The following PTPRN2 variants were observed in gnomAD, a reference collection of about 807,000 sequenced individuals.
The protein encoded by PTPRN2 is protein tyrosine phosphatase receptor type N2.
PTPRN2 carries 74 observed loss-of-function variants against 118.8 expected under a neutral mutation model. That is an observed-to-expected ratio of 0.62 (90% CI 0.52 to 0.76). The LOEUF (loss-of-function observed/expected upper bound fraction) is 0.76, where lower values mean the gene tolerates loss of function less well. Ranked by LOEUF, PTPRN2 falls within the 30% of genes least tolerant of loss-of-function variation. The probability of loss-of-function intolerance (pLI) is 0.00; values close to 1 mark genes in which losing one functional copy is unlikely to be tolerated. For synonymous variants in PTPRN2, 641 were observed against 608.0 expected, an observed-to-expected ratio of 1.05 and a Z score of -0.80; for missense variants, 1,481 against 1,394.4, an observed-to-expected ratio of 1.06 and a Z score of -0.99.
At chr7:158,066,050 C>T (rs1404931371) in intron 11 of PTPRN2, among the ~76,000 whole-genome samples, 2 of 152,226 alleles carry the variant, frequency 1.3e-5, no homozygotes, top group Non-Finnish European at 2.9e-5. Context: ...ATGTGTCCCA[C>T]GTCCCTCTGA....
At chr7:157,829,777 T>C (rs1807430659) in intron 12 of PTPRN2, among the ~76,000 whole-genome samples, 1 of 152,200 alleles carries the variant, frequency 6.6e-6, no homozygotes, top group Non-Finnish European at 1.5e-5. Flanking sequence ...GGAAAAGCCC[T>C]GGCCCGACTC....
intron 2 of PTPRN2, among the ~76,000 whole-genome samples, chr7:158,437,670 T>G (rs1352951155): frequency 6.6e-6 from 1 of 152,216 alleles, no homozygotes; most frequent in East Asian, 1.9e-4. Flanking sequence ...CTGGGATGTG[T>G]GCGATGGCCC....
At chr7:157,750,774 T>C (rs1229600222) in intron 12 of PTPRN2, among the ~76,000 whole-genome samples, 1 of 152,172 alleles carries the variant, frequency 6.6e-6, no homozygotes, top group African/African-American at 2.4e-5. Context: ...AGCGTTCAGC[T>C]CCTCAGTGGG....
intron 12 of PTPRN2, among the ~76,000 whole-genome samples, chr7:157,697,052 C>T (rs546801706): frequency 3.8e-4 from 16 of 41,824 alleles, no homozygotes; most frequent in African/African-American, 1.9e-3. Flanking sequence ...TCACCATCTA[C>T]CCATGCATAC....
chr7:158,084,031 G>A (rs1446512118), intron 10 of PTPRN2, among the ~76,000 whole-genome samples: 3 of 152,198 alleles, frequency 2.0e-5, no homozygotes, highest in Non-Finnish European at 1.5e-5. Flanking sequence ...GGGCCCTTCC[G>A]CTGGGCCTCA....
At chr7:158,400,785 C>G (rs564473597) in intron 2 of PTPRN2, among the ~76,000 whole-genome samples, 14 of 152,260 alleles carry the variant, frequency 9.2e-5, no homozygotes, top group African/African-American at 3.4e-4. Flanking sequence ...ATCCTCTACA[C>G]AAACGGAGGC....
chr7:157,847,603 CTACA>C (rs1808941762), intron 12 of PTPRN2, among the ~76,000 whole-genome samples: 1 of 123,326 alleles, frequency 8.1e-6, no homozygotes, highest in Non-Finnish European at 1.7e-5. Flanking sequence ...TGCCCGATGT[CTACA>C]GAGCCCTCTC....
rs551825831 is a variant in PTPRN2, at chr7:158,249,862, C to T, written c.278-44589G>A. ...CTGCTTCTCCTGTGCTCCAGCAAGA[C>T]GCCACGTCCCTCCCCCAGTGTGTGT... On this transcript the variant is annotated intron_variant, in intron 3 of 22. Coordinates refer to ENST00000389418, the MANE Select transcript of PTPRN2 (RefSeq NM_002847.5). 1.7e-3 allele frequency among the ~76,000 whole-genome samples: 258 copies of T among 152,310 alleles called. 1 individual carries two copies. Among genetic ancestry groups the T allele is most frequent in the African/African-American group, 5.9e-3 (244 of 41,556 alleles).
rs184883949 is a variant in PTPRN2, at chr7:158,168,759, C to T, written c.550-1468G>A. Among the ~76,000 whole-genome samples, 39 of 151,950 alleles carry T rather than the reference C, an allele frequency of 2.6e-4. No homozygotes were observed. The East Asian group carries it at 4.0e-3, about 16-fold the overall frequency. On this transcript the variant is annotated intron_variant, in intron 5 of 22. Coordinates refer to ENST00000389418, the MANE Select transcript of PTPRN2 (RefSeq NM_002847.5). ...TCTCCTCACTCATTTAGTAAAATTCCGTTAAGAGGACATGTCCTCATCACA... is the reference window on the plus strand; with the variant it reads ...TCTCCTCACTCATTTAGTAAAATTCTGTTAAGAGGACATGTCCTCATCACA...
chr7:157,975,475 T>A (rs1802674682), intron 11 of PTPRN2, among the ~76,000 whole-genome samples: 1 of 152,158 alleles, frequency 6.6e-6, no homozygotes, highest in South Asian at 2.1e-4. Context: ...AGTCCCTGAA[T>A]GCAGGCAAAT....
chr7:157,703,984 G>T (rs1215704220), intron 12 of PTPRN2, among the ~76,000 whole-genome samples: 4 of 152,178 alleles, frequency 2.6e-5, no homozygotes, highest in Admixed American at 6.5e-5. Context: ...AAAGCTGACG[G>T]CCTCTGTTTT....
intron 1 of PTPRN2, among the ~76,000 whole-genome samples, chr7:158,506,322 C>A (rs1463722211): frequency 6.6e-6 from 1 of 152,148 alleles, no homozygotes; most frequent in East Asian, 1.9e-4. Context: ...AGAACATGGC[C>A]AAGGCTGCGG....
intron 1 of PTPRN2, among the ~76,000 whole-genome samples, chr7:158,512,553 T>TGCATAGTCACACAC (rs1175433890): frequency 1.3e-5 from 2 of 152,022 alleles, no homozygotes; most frequent in Non-Finnish European, 2.9e-5. Context: ...CTCACACACA[T>TGCATAGTCACACAC]GCATAGTCAC....
At position 157,831,997 on chromosome 7, in the gene PTPRN2, G is replaced by A. The variant is rs1000200864; in HGVS notation, c.1788+66676C>T. On this transcript the variant is annotated intron_variant, in intron 12 of 22. Coordinates refer to ENST00000389418, the MANE Select transcript of PTPRN2 (RefSeq NM_002847.5). This position sits in a 1 kb window ranked among gnomAD's most constrained non-coding sequence, Gnocchi z 4.8. Reference sequence around the variant, plus strand: ...CATGAGGAGTGACGGCTGGGCTGCTGATGGCCCTGAGGGGTCCTCCCGGAG... The same window carrying A: ...CATGAGGAGTGACGGCTGGGCTGCTAATGGCCCTGAGGGGTCCTCCCGGAG... Among the ~76,000 whole-genome samples, 2 of 152,220 alleles carry A rather than the reference G, an allele frequency of 1.3e-5. No homozygotes were observed. The highest frequency in any genetic ancestry group is 4.8e-5 in the African/African-American group (2 of 41,454).
intron 12 of PTPRN2, chr7:157,864,241 C>A (rs1315023976): frequency 6.6e-6 from 1 of 152,324 alleles, no homozygotes; most frequent in Non-Finnish European, 1.5e-5. Flanking sequence ...TCACTGGGCA[C>A]CATCCAGATC....
chr7:157,772,507 G>A (rs900363728), intron 12 of PTPRN2, among the ~76,000 whole-genome samples: 5 of 152,218 alleles, frequency 3.3e-5, no homozygotes, highest in African/African-American at 1.2e-4. Context: ...CAGAGACCTG[G>A]GGCAGGAAGT....
chr7:157,844,050 A>T (rs6459812), intron 12 of PTPRN2, among the ~76,000 whole-genome samples: 4 of 150,218 alleles, frequency 2.7e-5, no homozygotes, highest in African/African-American at 4.9e-5. Flanking sequence ...CCTCCACGTC[A>T]TCGGTGTGGA....
chr7:158,250,056 T>TG, intron 3 of PTPRN2, among the ~76,000 whole-genome samples: 1 of 152,316 alleles, frequency 6.6e-6, no homozygotes, highest in African/African-American at 2.4e-5. Flanking sequence ...GATGCATTTA[T>TG]GGTCTACTCT....
chr7:158,436,283 C>A (rs1816567523), intron 2 of PTPRN2, among the ~76,000 whole-genome samples: 1 of 152,248 alleles, frequency 6.6e-6, no homozygotes, highest in Non-Finnish European at 1.5e-5. Flanking sequence ...TTCCTCCTGC[C>A]AGAAGCCCCT....
Sources: gnomAD v4.1 joint callset for allele counts (sites outside exome capture counted in the v4.1 genomes callset) on GRCh38, gnomAD v4.1.1 for gene constraint, Gnocchi (gnomAD v3.1) non-coding constraint, MANE v1.5 for transcripts, NCBI Gene and HGNC (gene_info 2026-07-23, HGNC 2026-07-21) for gene names.